Variants in ERLIN2 observed in about 807,000 individuals in gnomAD.
ERLIN2 encodes ER lipid raft associated 2, also known as erlin-2.
In ERLIN2, 22 loss-of-function variants were observed where a neutral mutation model predicts 41.5. The observed-to-expected ratio is 0.53, with a 90% CI of 0.38 to 0.76. The LOEUF (loss-of-function observed/expected upper bound fraction) is 0.76. Ranked by LOEUF, ERLIN2 falls within the 30% of genes least tolerant of loss-of-function variation. The pLI is 0.00. For synonymous variants in ERLIN2, 149 were observed against 150.9 expected (o/e 0.99, Z 0.09); for missense variants, 247 against 414.3 (o/e 0.60, Z 3.51).
intron 6 of ERLIN2, chr8:37,746,141 C>G (rs770291903): frequency 1.0e-6 from 1 of 992,678 alleles, no homozygotes; most frequent in African/African-American, 1.7e-5. Context: ...GCAAGCACTA[C>G]TTGGCTTAGA....
intron 6 of ERLIN2, chr8:37,745,509 A>G: frequency 6.5e-7 from 1 of 1,549,624 alleles, no homozygotes; most frequent in South Asian, 1.1e-5. Flanking sequence ...AAATTCTCTA[A>G]TAGCCAATGC....
chr8:37,749,920 A>C lies in ERLIN2; in HGVS notation c.557+68A>C, dbSNP rs113672112. The C allele has an allele frequency of 1.2e-5, 16 of 1,351,224 alleles. 1 individual carries two copies. The African/African-American group carries it at 1.4e-4, about 12-fold the overall frequency. 83.7% of individuals were successfully genotyped at this position (1,351,224 alleles called of 1,614,324 possible). ...CACCTCCCACCTCGTCCCATCCCAG[A>C]GGTAACCAAAGCTGCCAGGCTTCTC... On this transcript the variant is annotated intron_variant, in intron 8 of 11. Coordinates refer to ENST00000519638, the MANE Select transcript of ERLIN2 (RefSeq NM_007175.8).
chr8:37,749,889 GCCTCCCA>G (rs756644311), intron 8 of ERLIN2, 37 bp downstream of exon 8: 4 of 1,569,436 alleles, frequency 2.5e-6, no homozygotes, highest in South Asian at 2.2e-5. Flanking sequence ...GACCACCACT[GCCTCCCA>G]CCTCCCACCT....
intron 10 of ERLIN2, 87 bp from the exon 11 acceptor site, chr8:37,753,363 A>C: frequency 8.9e-7 from 1 of 1,118,262 alleles, no homozygotes; most frequent in South Asian, 1.3e-5. Context: ...CAGGGACCAG[A>C]ACAGAGTCTT....
intron 1 of ERLIN2, chr8:37,736,988 G>T: frequency 1.0e-6 from 1 of 985,878 alleles, no homozygotes; most frequent in Non-Finnish European, 1.2e-6. Flanking sequence ...ACTGCAGATC[G>T]GTAGCCGGAG....
rs777708321 is a variant in ERLIN2 at position 37,738,046 on chromosome 8, G to A, written c.107+17G>A. 1 of 1,613,958 alleles carries A rather than the reference G, an allele frequency of 6.2e-7. No homozygotes were observed. The highest frequency in any genetic ancestry group is 2.2e-5 in the East Asian group (1 of 44,880). ...ATATTACAGGTAAGGCAGAGACAGGGAGAAGCCGGCAACTTCCTGTTAAAT... is the reference window on the plus strand; with the variant it reads ...ATATTACAGGTAAGGCAGAGACAGGAAGAAGCCGGCAACTTCCTGTTAAAT... On this transcript the variant is annotated intron_variant, in intron 2 of 11. Transcript: ENST00000519638.
rs766807542 is a variant in ERLIN2, at chr8:37,750,485, T to C, written c.648T>C (p.Ile216=). 4 of 1,611,288 alleles carry C rather than the reference T, an allele frequency of 2.5e-6. No individual in the cohort carries two copies. The highest frequency in any genetic ancestry group is 2.5e-6 in the Non-Finnish European group (3 of 1,178,204). The change falls in exon 9 of 12, where the codon ATT becomes ATC. Residue 216 remains isoleucine (I), a splice_region_variant and synonymous_variant. Transcript: ENST00000519638. ...EAETERKKAL[I]EAEKVAQVAE... is the part of the protein sequence containing the mutation. ...AGACAGAGCGGAAGAAGGCGCTCAT[T>C]GGTCTGAATGTGGTTCTGTGATCCC...
At chr8:37,736,799 C>T (rs532559942) in intron 1 of ERLIN2, 121 bp downstream of exon 1, 4 of 985,998 alleles carry the variant, frequency 4.1e-6, no homozygotes, top group South Asian at 9.4e-5. Context: ...CGGCCCGCTC[C>T]TGGAGAGAGA....
At chr8:37,740,613 C>T (rs541344990) in intron 3 of ERLIN2, 167 bp downstream of exon 3, 35 of 191,444 alleles carry the variant, frequency 1.8e-4, no homozygotes, top group Non-Finnish European at 3.0e-4. Flanking sequence ...TATATACACA[C>T]ATACACTATA....
intron 6 of ERLIN2, chr8:37,745,773 G>A: frequency 1.4e-6 from 2 of 1,470,660 alleles, no homozygotes; most frequent in South Asian, 2.8e-5. Context: ...ATTTTATAGG[G>A]TTTGTAGTCT....
chr8:37,743,461 T>C (rs1049284254), intron 4 of ERLIN2, among the ~76,000 whole-genome samples: 1 of 152,210 alleles, frequency 6.6e-6, no homozygotes, highest in Non-Finnish European at 1.5e-5. Context: ...AAAAGGTCTT[T>C]GGTGGATACC....
chr8:37,751,325 C>T (rs995879254), intron 9 of ERLIN2, among the ~76,000 whole-genome samples: 4 of 152,258 alleles, frequency 2.6e-5, no homozygotes, highest in African/African-American at 9.6e-5. Context: ...CAGTGAAGGG[C>T]CAGGTAGAAC....
chr8:37,744,793 TG>T, intron 6 of ERLIN2, 97 bp downstream of exon 6: 1 of 1,273,356 alleles, frequency 7.9e-7, no homozygotes, highest in Non-Finnish European at 1.1e-6. Flanking sequence ...CAGGGTGTGA[TG>T]GTCACTTATG....
chr8:37,741,247 G>A lies in ERLIN2; in HGVS notation c.190-525G>A, dbSNP rs1563311595. Among the ~76,000 whole-genome samples the A allele has an allele frequency of 6.6e-6, 1 of 152,116 alleles. No homozygotes were observed. Among genetic ancestry groups the A allele is most frequent in the Non-Finnish European group, 1.5e-5 (1 of 68,032 alleles). Reference sequence around the variant, plus strand: ...ACAATAAACCATGGTCTGAAAACAGGTGACTACAGTACAATAAGATATTTT... The same window carrying A: ...ACAATAAACCATGGTCTGAAAACAGATGACTACAGTACAATAAGATATTTT... On this transcript the variant is annotated intron_variant, in intron 3 of 11. Coordinates refer to ENST00000519638, the MANE Select transcript of ERLIN2 (RefSeq NM_007175.8). This position sits in a 1 kb window ranked among gnomAD's most constrained non-coding sequence, Gnocchi z 4.8.
At chr8:37,753,561 G>A (rs762125094) in intron 11 of ERLIN2, 32 bp downstream of exon 11, 2 of 1,594,410 alleles carry the variant, frequency 1.3e-6, no homozygotes, top group Non-Finnish European at 8.6e-7. Context: ...ATAAAAAGGA[G>A]TCTTTGGGTC....
At chr8:37,748,037 A>C (rs772985372) in intron 6 of ERLIN2, 13 of 1,577,494 alleles carry the variant, frequency 8.2e-6, no homozygotes, top group African/African-American at 2.7e-5. Context: ...AACTCTACGC[A>C]AAGAAGAGGG....
In ERLIN2 at chr8:37,756,724, A is replaced by G. The variant is rs184664986; in HGVS notation, c.*2609A>G. ...ATTTTAACTCTTACTAGAAAATCTA[A>G]TCTTAAAACATTTGAATTCTAAACA... On this transcript the variant is annotated 3_prime_UTR_variant, in exon 12 of 12. Transcript: ENST00000519638. 7 of 152,754 alleles carry G rather than the reference A, an allele frequency of 4.6e-5. No homozygotes were observed. The highest frequency in any genetic ancestry group is 7.4e-5 in the Non-Finnish European group (5 of 68,016). 9.5% of individuals were successfully genotyped at this position (152,754 alleles called of 1,614,324 possible).
intron 2 of ERLIN2, 132 bp from the exon 3 acceptor site, chr8:37,740,233 C>A: frequency 1.4e-6 from 1 of 726,660 alleles, no homozygotes; most frequent in Non-Finnish European, 2.6e-6. Flanking sequence ...GGATCTGTAG[C>A]CATGGCTGCA....
chr8:37,752,859 C>T (rs756151399), intron 10 of ERLIN2, among the ~76,000 whole-genome samples: 14 of 152,308 alleles, frequency 9.2e-5, no homozygotes, highest in South Asian at 2.1e-4. Flanking sequence ...CTCAGAATCG[C>T]GCCAGCTTAA....
Sources: allele counts gnomAD v4.1 joint callset (sites outside exome capture counted in the v4.1 genomes callset), GRCh38; gene constraint gnomAD v4.1.1; non-coding constraint Gnocchi (gnomAD v3.1); transcripts MANE v1.5; gene names NCBI Gene and HGNC (gene_info 2026-07-23, HGNC 2026-07-21).